Variants in ZMYM5 observed in about 807,000 individuals in gnomAD.
ZMYM5 encodes zinc finger MYM-type containing 5, also known as zinc finger MYM-type protein 5.
A neutral mutation model predicts 61.8 loss-of-function variants in ZMYM5; 41 were observed. That is an observed-to-expected ratio of 0.66 (90% confidence interval 0.52 to 0.86). The LOEUF is 0.86. Ranked by LOEUF, ZMYM5 falls within the 40% of genes least tolerant of loss-of-function variation. The probability of loss-of-function intolerance (pLI) is 0.00; values close to 1 mark genes in which losing one functional copy is unlikely to be tolerated. For missense variants in ZMYM5, 706 were observed against 786.7 expected, an observed-to-expected ratio of 0.90 and a Z score of 1.23; for synonymous variants, 257 against 276.4, an observed-to-expected ratio of 0.93 and a Z score of 0.70.
chr13:19,854,714 A>G (rs1029602725), intron 2 of ZMYM5, among the ~76,000 whole-genome samples: 1 of 151,622 alleles, frequency 6.6e-6, no homozygotes, highest in Non-Finnish European at 1.5e-5. Context: ...GTATTATGCT[A>G]TTATATATAT....
chr13:19,825,331 A>G (rs931968751), intron 7 of ZMYM5, 96 bp from the exon 8 acceptor site: 2 of 1,069,112 alleles, frequency 1.9e-6, no homozygotes, highest in African/African-American at 3.3e-5. Flanking sequence ...ATCATTAGGC[A>G]TCAAAGAAAT....
intron 2 of ZMYM5, among the ~76,000 whole-genome samples, chr13:19,859,955 A>G (rs1805415995): frequency 1.3e-5 from 2 of 149,456 alleles, no homozygotes. Context: ...AAATACAACA[A>G]TTAGCCAACG....
chr13:19,854,358 C>T (rs1953428770), intron 2 of ZMYM5, among the ~76,000 whole-genome samples: 1 of 152,148 alleles, frequency 6.6e-6, no homozygotes, highest in Non-Finnish European at 1.5e-5. Flanking sequence ...GGCGTGGTGG[C>T]TCACACCTGT....
intron 4 of ZMYM5, among the ~76,000 whole-genome samples, chr13:19,847,569 G>C (rs73168970): frequency 0.024 from 3,711 of 151,726 alleles, 71 homozygotes; most frequent in East Asian, 0.046. Flanking sequence ...TTTGAAAATA[G>C]TTATTTTTCA....
chr13:19,858,337 C>T (rs1034874664), intron 2 of ZMYM5, among the ~76,000 whole-genome samples: 13 of 151,936 alleles, frequency 8.6e-5, no homozygotes, highest in African/African-American at 2.9e-4. Context: ...GTAATCCCAG[C>T]GCTTTGGGAG....
chr13:19,851,758 CCA>C lies in ZMYM5; in HGVS notation c.421_422del (p.Trp141GlyfsTer6). Reference sequence around the variant, plus strand: ...TTTTGTTTTTAGTTCCAGGAAGTCCCCATTCGATAAAACAGGAAGACTTTTTC... The same window carrying C: ...TTTTGTTTTTAGTTCCAGGAAGTCCCTTCGATAAAACAGGAAGACTTTTTC... ...AEKKSSCFIEWGLPGTKNKTN... is the reference protein window; with the variant it reads ...AEKKSSCFIEXGLPGTKNKTN... On this transcript the variant is annotated frameshift_variant, in exon 3 of 8. Transcript: ENST00000337963. LOFTEE classifies it high-confidence loss of function. The C allele has an allele frequency of 1.9e-6, 3 of 1,599,544 alleles. No individual in the cohort carries two copies. Among genetic ancestry groups the C allele is most frequent in the Non-Finnish European group, 1.7e-6 (2 of 1,176,494 alleles).
chr13:19,835,926 C>A (rs1389605176), intron 6 of ZMYM5, among the ~76,000 whole-genome samples: 1 of 151,924 alleles, frequency 6.6e-6, no homozygotes, highest in Non-Finnish European at 1.5e-5. Context: ...CATGTTCAAG[C>A]GATTCTCCTG....
In ZMYM5 at chr13:19,851,377, T is replaced by C. The variant is rs1470483618; in HGVS notation, c.564A>G (p.Glu188=). ...TACCAGGACTATGATGAGTTGCAAA[T>C]TCTCCATTCTGAAATAAGTCTCCTG... is the stretch of plus-strand genomic sequence containing the variant. ...NVAGDLFQNG[E]FATHHSPDSW... The change falls in exon 4 of 8, where the codon GAA becomes GAG. Residue 188 remains glutamate, a synonymous_variant. Transcript: ENST00000337963. 1.2e-6 allele frequency: 2 copies of C among 1,614,084 alleles called. No homozygotes were observed. Among genetic ancestry groups the C allele is most frequent in the South Asian group, 1.1e-5 (1 of 91,080 alleles).
intron 4 of ZMYM5, 117 bp downstream of exon 4, chr13:19,851,238 C>A: frequency 1.0e-6 from 1 of 988,774 alleles, no homozygotes; most frequent in Non-Finnish European, 1.5e-6. Context: ...AACAAACAAA[C>A]AAGCAAACAA....
intron 7 of ZMYM5, among the ~76,000 whole-genome samples, chr13:19,827,797 T>A (rs1445562637): frequency 6.6e-6 from 1 of 151,050 alleles, no homozygotes; most frequent in East Asian, 2.0e-4. Flanking sequence ...TTTGGGAGGC[T>A]GAGGCGGGCG....
intron 2 of ZMYM5, among the ~76,000 whole-genome samples, chr13:19,859,829 G>C (rs1038253794): frequency 1.3e-5 from 2 of 151,546 alleles, no homozygotes; most frequent in African/African-American, 2.4e-5. Context: ...CACAGGCCGG[G>C]TGTGGTAGTG....
At chr13:19,854,627 CAAAA>C (rs58132634) in intron 2 of ZMYM5, among the ~76,000 whole-genome samples, 1 of 123,886 alleles carries the variant, frequency 8.1e-6, no homozygotes, top group Non-Finnish European at 1.6e-5. Context: ...GACTTCGTCT[CAAAA>C]AAAAAAAAAA....
At chr13:19,841,597 T>C (rs1952880124) in intron 4 of ZMYM5, among the ~76,000 whole-genome samples, 2 of 152,220 alleles carry the variant, frequency 1.3e-5, no homozygotes, top group East Asian at 3.9e-4. Flanking sequence ...GAAATGAAAC[T>C]CCCTAGAGTC....
At chr13:19,839,446 T>C (rs1952787023) in intron 4 of ZMYM5, among the ~76,000 whole-genome samples, 1 of 152,058 alleles carries the variant, frequency 6.6e-6, no homozygotes, top group Non-Finnish European at 1.5e-5. Context: ...CGGAGTGCAA[T>C]GGCACAATCT....
rs1262496502 is a variant in ZMYM5 at position 19,851,348 on chromosome 13, T to A, written c.586+7A>T. ...TTGAGGTAGAAACAGTATCACTTACTGCTTACCAGGACTATGATGAGTTGC... is the reference window on the plus strand; with the variant it reads ...TTGAGGTAGAAACAGTATCACTTACAGCTTACCAGGACTATGATGAGTTGC... On this transcript the variant is annotated splice_region_variant and intron_variant, in intron 4 of 7. Coordinates refer to ENST00000337963, the MANE Select transcript of ZMYM5 (RefSeq NM_001142684.2). The A allele has an allele frequency of 1.9e-6, 3 of 1,611,056 alleles. No individual in the cohort carries two copies. The highest frequency in any genetic ancestry group is 4.5e-5 in the East Asian group (2 of 44,864).
At chr13:19,859,311 C>T (rs1953635105) in intron 2 of ZMYM5, among the ~76,000 whole-genome samples, 2 of 152,204 alleles carry the variant, frequency 1.3e-5, no homozygotes, top group African/African-American at 4.8e-5. Context: ...GGTTCCCCAT[C>T]AATTGGCCAG....
intron 4 of ZMYM5, among the ~76,000 whole-genome samples, chr13:19,840,088 T>C (rs952215806): frequency 2.6e-5 from 4 of 152,234 alleles, no homozygotes; most frequent in Non-Finnish European, 4.4e-5. Flanking sequence ...CAGATGATGG[T>C]GAAGCTTTGA....
chr13:19,837,500 A>G (rs1370324336), intron 6 of ZMYM5, 156 bp downstream of exon 6: 1 of 1,592,374 alleles, frequency 6.3e-7, no homozygotes, highest in Non-Finnish European at 8.5e-7. Context: ...AAAATATCCC[A>G]TAAGATAGTT....
Position 19,852,002 on chromosome 13 carries a change from A to ACAT in ZMYM5, c.176_178dup (p.Asp59dup), listed in dbSNP as rs112044779. On this transcript the variant is annotated inframe_insertion, in exon 3 of 8. Coordinates refer to ENST00000337963, the MANE Select transcript of ZMYM5 (RefSeq NM_001142684.2). ...AGGTTGTATAGATTCAATAAACACA[A>ACAT]CATCATCATCATCATCATCATCTTC... The ACAT allele has an allele frequency of 4.0e-4, 648 of 1,613,166 alleles. 4 individuals are homozygous for ACAT. Among genetic ancestry groups the ACAT allele is most frequent in the Middle Eastern group, 2.1e-3 (13 of 6,058 alleles).
Sources: allele counts gnomAD v4.1 joint callset (sites outside exome capture counted in the v4.1 genomes callset), GRCh38; gene constraint gnomAD v4.1.1; transcripts MANE v1.5; gene names NCBI Gene and HGNC (gene_info 2026-07-23, HGNC 2026-07-21).